SELENOI: variants seen among roughly 807,000 people sequenced by gnomAD.
The protein encoded by SELENOI is ethanolaminephosphotransferase 1.
SELENOI carries 24 observed loss-of-function variants against 50.7 expected under a neutral mutation model. The observed-to-expected ratio is 0.47, with a 90% confidence interval of 0.34 to 0.67. The LOEUF (loss-of-function observed/expected upper bound fraction) is 0.67. SELENOI is among the 30% of genes least tolerant of loss of function. The pLI is 0.01. For missense variants in SELENOI, 352 were observed against 461.4 expected, an observed-to-expected ratio of 0.76 and a Z score of 2.17; for synonymous variants, 155 against 170.2, an observed-to-expected ratio of 0.91 and a Z score of 0.70.
At chr2:26,370,652 C>T (rs78818171) in intron 4 of SELENOI, among the ~76,000 whole-genome samples, 8,047 of 56,458 alleles carry the variant, frequency 0.14, 1,794 homozygotes, top group Non-Finnish European at 0.22. Flanking sequence ...GGCGGCTGGC[C>T]GGGCAGAGGG....
At chr2:26,348,578 A>G (rs184505004) in intron 1 of SELENOI, among the ~76,000 whole-genome samples, 1 of 152,158 alleles carries the variant, frequency 6.6e-6, no homozygotes, top group East Asian at 1.9e-4. Context: ...TGACACTTGC[A>G]TTCGCTATTG....
chr2:26,379,960 A>G (rs1677650231), intron 6 of SELENOI, among the ~76,000 whole-genome samples: 1 of 152,194 alleles, frequency 6.6e-6, no homozygotes, highest in Non-Finnish European at 1.5e-5. Flanking sequence ...AAAACTGAAA[A>G]TTAAGATTTT....
intron 1 of SELENOI, among the ~76,000 whole-genome samples, chr2:26,357,059 T>A (rs1490408483): frequency 6.7e-6 from 1 of 148,650 alleles, no homozygotes; most frequent in African/African-American, 2.6e-5. Flanking sequence ...AGATCTTAAG[T>A]GTATAATTTA....
chr2:26,351,012 C>T (rs1183715876), intron 1 of SELENOI, among the ~76,000 whole-genome samples: 2 of 151,144 alleles, frequency 1.3e-5, no homozygotes, highest in African/African-American at 4.9e-5. Context: ...TGAGCAAAAT[C>T]ATCTGGCAGT....
At chr2:26,375,484 C>T (rs1197172235) in intron 6 of SELENOI, among the ~76,000 whole-genome samples, 1 of 152,170 alleles carries the variant, frequency 6.6e-6, no homozygotes, top group Non-Finnish European at 1.5e-5. Flanking sequence ...TTGAAAATTA[C>T]TAGTTTGTAT....
In SELENOI at chr2:26,364,998, G is replaced by A. The variant is rs138941642; in HGVS notation, c.235+58G>A. 4.8e-5 allele frequency: 60 copies of A among 1,248,414 alleles called. 2 individuals are homozygous for A. The African/African-American group carries it at 7.8e-4, about 16-fold the overall frequency. The allele number at this position is 1,248,414 out of a possible 1,614,324, so 77.3% of individuals were successfully genotyped here. ...GAGTAGAAAAAAATGAAATGTGGAT[G>A]CTTATTTTCTGGTTTTGTTAAAATG... On this transcript the variant is annotated intron_variant, in intron 3 of 9. Transcript: ENST00000260585.
Position 26,389,368 on chromosome 2 carries a change from C to T in SELENOI, c.*265C>T, listed in dbSNP as rs1364703825. The T allele has an allele frequency of 1.9e-5, 6 of 322,156 alleles. No homozygotes were observed. The highest frequency in any genetic ancestry group is 6.4e-5 in the South Asian group (1 of 15,648). 20.0% of individuals were successfully genotyped at this position (322,156 alleles called of 1,614,324 possible). On this transcript the variant is annotated 3_prime_UTR_variant, in exon 10 of 10. Coordinates refer to ENST00000260585, the MANE Select transcript of SELENOI (RefSeq NM_033505.4). ...AAAATGTTCCTAATGGTTCTAACTT[C>T]GTGAGTTTACAATGTTGTGATTCAT...
At chr2:26,360,142 C>A (rs1677144640) in intron 1 of SELENOI, among the ~76,000 whole-genome samples, 1 of 152,208 alleles carries the variant, frequency 6.6e-6, no homozygotes, top group Non-Finnish European at 1.5e-5. Context: ...TCTAGTCTAG[C>A]ACCTTTAAAA....
intron 1 of SELENOI, chr2:26,346,560 A>G (rs1380194865): frequency 1.2e-5 from 4 of 343,562 alleles, no homozygotes; most frequent in Admixed American, 4.9e-5. Context: ...TTCCCTTCCT[A>G]TTTTTTTTAA....
chr2:26,346,195 G>T lies in SELENOI; in HGVS notation c.-38G>T. 1 of 1,613,374 alleles carries T rather than the reference G, an allele frequency of 6.2e-7. No homozygotes were observed. ...TTGTGTGTCACAGCCTTGTAGCCGG[G>T]AGTCGCTGCCGAGTGGGCGCTCAGT... On this transcript the variant is annotated 5_prime_UTR_variant, in exon 1 of 10. Coordinates refer to ENST00000260585, the MANE Select transcript of SELENOI (RefSeq NM_033505.4).
At chr2:26,379,794 C>T (rs1229912525) in intron 6 of SELENOI, among the ~76,000 whole-genome samples, 1 of 152,046 alleles carries the variant, frequency 6.6e-6, no homozygotes, top group African/African-American at 2.4e-5. Flanking sequence ...TTTGGTAGTA[C>T]AGAATTTTTA....
At chr2:26,385,785 G>A (rs958731013) in intron 8 of SELENOI, among the ~76,000 whole-genome samples, 1 of 152,164 alleles carries the variant, frequency 6.6e-6, no homozygotes, top group African/African-American at 2.4e-5. Flanking sequence ...TTTGTAACGT[G>A]TGTAATATCT....
intron 1 of SELENOI, chr2:26,346,519 G>C: frequency 4.1e-6 from 2 of 482,122 alleles, no homozygotes; most frequent in South Asian, 3.2e-5. Flanking sequence ...TTTTCCTTAG[G>C]AGAGCGCTCA....
chr2:26,357,352 A>G (rs1677085102), intron 1 of SELENOI, among the ~76,000 whole-genome samples: 1 of 152,112 alleles, frequency 6.6e-6, no homozygotes, highest in African/African-American at 2.4e-5. Flanking sequence ...GCTGCCTCTG[A>G]CCACTCTGAC....
At chr2:26,381,025 A>G (rs1405094018) in intron 6 of SELENOI, among the ~76,000 whole-genome samples, 1 of 150,672 alleles carries the variant, frequency 6.6e-6, no homozygotes, top group African/African-American at 2.4e-5. Flanking sequence ...ATCCTTTGAT[A>G]TAGATTATAG....
intron 5 of SELENOI, among the ~76,000 whole-genome samples, chr2:26,374,454 T>A (rs1386133351): frequency 2.0e-5 from 3 of 152,184 alleles, no homozygotes. Context: ...ATTTGGATCA[T>A]CTTACAACTT....
At chr2:26,370,382 C>T (rs1277250644) in intron 4 of SELENOI, among the ~76,000 whole-genome samples, 3 of 151,852 alleles carry the variant, frequency 2.0e-5, no homozygotes, top group African/African-American at 4.8e-5. Context: ...GGCACACCTC[C>T]CAGACGGGGT....
chr2:26,387,659 G>A (rs1210296719), intron 9 of SELENOI, among the ~76,000 whole-genome samples: 6 of 144,480 alleles, frequency 4.2e-5, no homozygotes, highest in African/African-American at 1.6e-4. Context: ...TGGTGCCACT[G>A]TGCTCCAGCC....
rs912925187 is a variant in SELENOI at position 26,389,304 on chromosome 2, T to G, written c.*201T>G. On this transcript the variant is annotated 3_prime_UTR_variant, in exon 10 of 10. Transcript: ENST00000260585. The stretch of plus-strand genomic sequence containing the variant: ...GCCTATTTTATTTTTTATAAAACTA[T>G]GTGACATTTTGGTTGAGCAGAATGT... 12 of 491,858 alleles carry G rather than the reference T, an allele frequency of 2.4e-5. No homozygotes were observed. Among genetic ancestry groups the G allele is most frequent in the African/African-American group, 2.3e-4 (12 of 52,270 alleles). 30.5% of individuals were successfully genotyped at this position (491,858 alleles called of 1,614,324 possible).
Sources: allele counts gnomAD v4.1 joint callset (sites outside exome capture counted in the v4.1 genomes callset), GRCh38; gene constraint gnomAD v4.1.1; transcripts MANE v1.5; gene names NCBI Gene and HGNC (gene_info 2026-07-23, HGNC 2026-07-21).